AFM: variants seen among roughly 807,000 people sequenced by gnomAD.
The protein encoded by AFM is afamin.
A neutral mutation model predicts 68.7 loss-of-function variants in AFM; 82 were observed. That is an observed-to-expected ratio of 1.19 (90% CI 1.00 to 1.43). AFM has a LOEUF of 1.43. AFM is among the 40% of genes most tolerant of loss of function. AFM has a pLI of 0.00. For missense variants in AFM, 772 were observed against 701.8 expected (o/e 1.10, Z -1.13); for synonymous variants, 250 against 234.2 (o/e 1.07, Z -0.61).
chr4:73,490,345 T>A (rs1220957990), intron 7 of AFM, among the ~76,000 whole-genome samples: 1 of 152,240 alleles, frequency 6.6e-6, no homozygotes, highest in African/African-American at 2.4e-5. Context: ...CTCCTAACTG[T>A]ACCCAAGTTA....
intron 8 of AFM, among the ~76,000 whole-genome samples, chr4:73,494,549 A>G (rs1033253553): frequency 2.6e-5 from 4 of 152,202 alleles, no homozygotes; most frequent in African/African-American, 9.6e-5. Flanking sequence ...GAAGGTGCTT[A>G]ACCAGTCTGT....
At chr4:73,495,865 C>A (rs1366091635) in intron 9 of AFM, among the ~76,000 whole-genome samples, 1 of 152,158 alleles carries the variant, frequency 6.6e-6, no homozygotes, top group Non-Finnish European at 1.5e-5. Context: ...ACAAAGGTTA[C>A]AAAGAACCCT....
chr4:73,490,514 G>A (rs1042704585), intron 7 of AFM, among the ~76,000 whole-genome samples: 2 of 152,050 alleles, frequency 1.3e-5, no homozygotes, highest in Non-Finnish European at 2.9e-5. Flanking sequence ...CCGCCTCCTG[G>A]GTTCACGCCA....
At chr4:73,503,226 A>G (rs934772521) in intron 14 of AFM, 116 bp downstream of exon 14, 26 of 781,074 alleles carry the variant, frequency 3.3e-5, no homozygotes, top group Admixed American at 4.8e-5. Context: ...TGAACAAGAA[A>G]TGCACATGTA....
intron 5 of AFM, 64 bp from the exon 6 acceptor site, chr4:73,487,660 T>A: frequency 8.7e-7 from 1 of 1,145,750 alleles, no homozygotes; most frequent in Non-Finnish European, 1.3e-6. Flanking sequence ...GAAATATGAC[T>A]AAAAAATAAG....
At chr4:73,503,135 T>C in intron 14 of AFM, 25 bp downstream of exon 14, 2 of 1,537,756 alleles carry the variant, frequency 1.3e-6, no homozygotes, top group South Asian at 2.3e-5. Context: ...CTCATTCAAA[T>C]GTCAAATGTA....
chr4:73,501,686 A>C (rs539452613), intron 12 of AFM, 101 bp from the exon 13 acceptor site: 18 of 1,338,982 alleles, frequency 1.3e-5, no homozygotes, highest in African/African-American at 1.2e-4. Context: ...ACCCACACCC[A>C]AGCTGAGACT....
chr4:73,486,905 C>T (rs1720915404), intron 4 of AFM, 62 bp from the exon 5 acceptor site: 2 of 1,511,456 alleles, frequency 1.3e-6, no homozygotes, highest in Non-Finnish European at 1.8e-6. Flanking sequence ...CCCTTGTCTA[C>T]ATTCATTGCT....
At chr4:73,491,822 A>T in intron 7 of AFM, 50 bp from the exon 8 acceptor site, 1 of 1,529,040 alleles carries the variant, frequency 6.5e-7, no homozygotes, top group Non-Finnish European at 9.0e-7. Context: ...CCATAATGGA[A>T]GAAAACCCAG....
At chr4:73,501,489 C>A (rs1390993957) in intron 12 of AFM, among the ~76,000 whole-genome samples, 2 of 152,008 alleles carry the variant, frequency 1.3e-5, no homozygotes, top group African/African-American at 4.8e-5. Flanking sequence ...CTTATTACTG[C>A]TATCTAATTG....
At chr4:73,481,997 G>T in intron 1 of AFM, 134 bp downstream of exon 1, 1 of 636,030 alleles carries the variant, frequency 1.6e-6, no homozygotes, top group South Asian at 2.0e-5. Context: ...AGGCTAACCA[G>T]TTATCCAAAA....
chr4:73,482,119 G>A (rs1184116332), intron 1 of AFM, among the ~76,000 whole-genome samples: 1 of 152,190 alleles, frequency 6.6e-6, no homozygotes, highest in Non-Finnish European at 1.5e-5. Flanking sequence ...AGGACAGAAA[G>A]TGTTGCTGGG....
chr4:73,484,030 T>A, intron 2 of AFM, 41 bp downstream of exon 2: 1 of 1,478,182 alleles, frequency 6.8e-7, no homozygotes, highest in Non-Finnish European at 9.2e-7. Flanking sequence ...ATTTTTAAAA[T>A]GATATATTCT....
intron 10 of AFM, among the ~76,000 whole-genome samples, chr4:73,498,866 C>T (rs1032407105): frequency 6.6e-6 from 1 of 151,940 alleles, no homozygotes; most frequent in Non-Finnish European, 1.5e-5. Context: ...AAAGATAACA[C>T]GGGGAGGCAA....
At position 73,501,835 on chromosome 4, in the gene AFM, G is replaced by A. The variant is rs1367021993; in HGVS notation, c.1695G>A (p.Glu565=). 3.7e-6 allele frequency: 6 copies of A among 1,613,288 alleles called. No homozygotes were observed. The African/African-American group carries it at 8.0e-5, about 22-fold the overall frequency. ...VKLKHELTDE[E]LQSLFTNFAN... is the part of the protein sequence containing the mutation. Reference sequence around the variant, plus strand: ...TGAAGCATGAACTCACAGATGAAGAGCTGCAGTCTTTGTTTACAAATTTCG... The same window carrying A: ...TGAAGCATGAACTCACAGATGAAGAACTGCAGTCTTTGTTTACAAATTTCG... The change falls in exon 13 of 15, where the codon GAG becomes GAA. Residue 565 remains glutamate (E), a synonymous_variant. Coordinates refer to ENST00000226355, the MANE Select transcript of AFM (RefSeq NM_001133.2).
At chr4:73,492,803 A>C (rs1196912949) in intron 8 of AFM, among the ~76,000 whole-genome samples, 4 of 151,022 alleles carry the variant, frequency 2.6e-5, no homozygotes, top group Non-Finnish European at 5.9e-5. Flanking sequence ...AAAAAAAAAA[A>C]AAAAAAAGAA....
chr4:73,492,300 C>A (rs1415132743), intron 8 of AFM, among the ~76,000 whole-genome samples: 3 of 152,088 alleles, frequency 2.0e-5, no homozygotes, highest in African/African-American at 7.2e-5. Context: ...ATTTATTGAG[C>A]ACTTAATATA....
chr4:73,492,234 T>C, intron 8 of AFM, 148 bp downstream of exon 8: 1 of 671,158 alleles, frequency 1.5e-6, no homozygotes, highest in African/African-American at 1.9e-5. Flanking sequence ...CTATAGAGTG[T>C]AGTTTTCACA....
chr4:73,491,380 A>G (rs1721066280), intron 7 of AFM, among the ~76,000 whole-genome samples: 1 of 152,222 alleles, frequency 6.6e-6, no homozygotes, highest in Admixed American at 6.5e-5. Context: ...ATGAATCGTC[A>G]TCTGGTAGTT....
Sources: gnomAD v4.1 joint callset for allele counts (sites outside exome capture counted in the v4.1 genomes callset) on GRCh38, gnomAD v4.1.1 for gene constraint, MANE v1.5 for transcripts, NCBI Gene and HGNC (gene_info 2026-07-23, HGNC 2026-07-21) for gene names.